RLF: variants seen among roughly 807,000 people sequenced by gnomAD.
The protein encoded by RLF is RLF zinc finger.
In RLF, 7 loss-of-function variants were observed where a neutral mutation model predicts 162.9. The observed-to-expected ratio is 0.04, with a 90% CI of 0.02 to 0.08. The LOEUF is 0.08. Among genes scored for constraint, RLF ranks in the 10% least tolerant of loss-of-function variants. The pLI is 1.00. For missense variants in RLF, 1,664 were observed against 2,244.7 expected (o/e 0.74, Z 5.23); for synonymous variants, 782 against 791.5 (o/e 0.99, Z 0.20).
intron 6 of RLF, among the ~76,000 whole-genome samples, 193 bp from the exon 7 acceptor site, chr1:40,231,324 G>A (rs1248492614): frequency 6.6e-6 from 1 of 152,214 alleles, no homozygotes; most frequent in Admixed American, 6.5e-5. Flanking sequence ...AGAGAAGTCA[G>A]GGAATTGTTA....
rs371213463 is a variant in RLF at position 40,195,613 on chromosome 1, T to C, written c.475-19T>C. 3.1e-6 allele frequency: 5 copies of C among 1,591,776 alleles called. No homozygotes were observed. The African/African-American group carries it at 5.4e-5, about 17-fold the overall frequency. ...TTATATTGTTAACTTATTTTCTGGG[T>C]GTGCTGTTCTTGTTCTAGGAGTCAC... On this transcript the variant is annotated intron_variant, in intron 3 of 7. Transcript: ENST00000372771.
At position 40,238,695 on chromosome 1, in the gene RLF, C is replaced by T. The variant is rs764628195; in HGVS notation, c.3993C>T (p.Tyr1331=). 6.8e-6 allele frequency: 11 copies of T among 1,613,816 alleles called. No homozygotes were observed. The South Asian group carries it at 1.2e-4, about 18-fold the overall frequency. The change falls in exon 8 of 8, where the codon TAC becomes TAT. Residue 1331 remains tyrosine (Y), a synonymous_variant. Transcript: ENST00000372771. This position sits in a 1 kb window ranked among gnomAD's most constrained non-coding sequence, Gnocchi z 5.2. ...FTNLKGLIRH[Y]RTVHQYNKEQ... Reference sequence around the variant, plus strand: ...ATCTAAAAGGCTTAATTCGCCATTACAGAACTGTACATCAGTACAACAAAG... The same window carrying T: ...ATCTAAAAGGCTTAATTCGCCATTATAGAACTGTACATCAGTACAACAAAG...
intron 7 of RLF, among the ~76,000 whole-genome samples, chr1:40,234,768 T>C (rs1172221585): frequency 6.6e-6 from 1 of 152,228 alleles, no homozygotes; most frequent in East Asian, 1.9e-4. Flanking sequence ...TGCTTTTCTT[T>C]GCTCATGTCA....
intron 4 of RLF, among the ~76,000 whole-genome samples, chr1:40,197,344 A>C (rs780835387): frequency 2.0e-5 from 3 of 152,240 alleles, no homozygotes; most frequent in South Asian, 2.1e-4. Context: ...GATGGAGGCT[A>C]AAGTATCACC....
intron 5 of RLF, among the ~76,000 whole-genome samples, chr1:40,214,295 C>A (rs902256766): frequency 2.0e-5 from 3 of 152,148 alleles, no homozygotes; most frequent in African/African-American, 4.8e-5. Context: ...GAGTTCTAAT[C>A]ACCATTTGAA....
rs1025698295 is a variant in RLF at position 40,222,574 on chromosome 1, A to G, written c.811A>G (p.Ile271Val). ...GACTTAGTCATCTCATTTTTGATAG[A>G]TTGCAAAGGTCGACTGCAAGGAAGT... Reference protein sequence around the residue: ...MLPNEDAIKEIAKVDCKEVLD... With the variant: ...MLPNEDAIKEVAKVDCKEVLD... Residue 271 changes from isoleucine (I) to valine (V), a missense_variant and splice_region_variant, in exon 6 of 8, where the codon ATT (isoleucine) becomes GTT (valine). Physicochemically the swap from Ile to Val is conservative, Grantham distance 29 (BLOSUM62 3). Around this residue, in one of 15 missense-constraint regions of RLF, gnomAD observed 287 missense variants for 404.9 expected, o/e 0.71. Transcript: ENST00000372771. 1 of 1,611,940 alleles carries G rather than the reference A, an allele frequency of 6.2e-7. No individual in the cohort carries two copies. The highest frequency in any genetic ancestry group is 1.3e-5 in the African/African-American group (1 of 74,864).
rs1643016172 is a variant in RLF at position 40,222,770 on chromosome 1, T to A, written c.947+60T>A. 2.8e-6 allele frequency: 4 copies of A among 1,446,136 alleles called. No homozygotes were observed. In the East Asian group the frequency reaches 9.2e-5, roughly 33 times the overall value. The allele number at this position is 1,446,136 out of a possible 1,614,324, so 89.6% of individuals were successfully genotyped here. Reference sequence around the variant, plus strand: ...AGTACATAGTATAGCATTTAGGGTTTATGTAAAATGTTAATTTGTTTCTAA... The same window carrying A: ...AGTACATAGTATAGCATTTAGGGTTAATGTAAAATGTTAATTTGTTTCTAA... On this transcript the variant is annotated intron_variant, in intron 6 of 7. Transcript: ENST00000372771.
intron 6 of RLF, among the ~76,000 whole-genome samples, chr1:40,226,249 T>G (rs1427336351): frequency 6.6e-6 from 1 of 152,190 alleles, no homozygotes; most frequent in East Asian, 1.9e-4. Context: ...AAAGAAGTAC[T>G]AGAGGAGTAA....
At chr1:40,207,812 C>G (rs376055112) in intron 5 of RLF, among the ~76,000 whole-genome samples, 43 of 152,178 alleles carry the variant, frequency 2.8e-4, no homozygotes, top group Non-Finnish European at 3.8e-4. Context: ...GGTTTTGCCA[C>G]GTTGCCCAGG....
Position 40,238,325 on chromosome 1 carries a change from A to G in RLF, c.3623A>G (p.Asp1208Gly). The change falls in exon 8 of 8, where the codon GAT becomes GGT. Residue 1208 changes from aspartate to glycine, a missense_variant. Transcript: ENST00000372771. This position sits in a 1 kb window ranked among gnomAD's most constrained non-coding sequence, Gnocchi z 5.2. The part of the protein sequence containing the change: ...GSDRATHKLL[D>G]NEKCDHEGPC... ...GACAGAGCAACTCACAAACTATTAGATAATGAAAAGTGTGATCATGAAGGC... is the reference window on the plus strand; with the variant it reads ...GACAGAGCAACTCACAAACTATTAGGTAATGAAAAGTGTGATCATGAAGGC... 6.2e-7 allele frequency: 1 copy of G among 1,614,164 alleles called. No individual in the cohort carries two copies. Among genetic ancestry groups the G allele is most frequent in the Non-Finnish European group, 8.5e-7 (1 of 1,180,006 alleles).
intron 1 of RLF, among the ~76,000 whole-genome samples, chr1:40,188,656 G>C (rs1642517635): frequency 6.6e-6 from 1 of 151,804 alleles, no homozygotes; most frequent in Non-Finnish European, 1.5e-5. Context: ...GTAGAACTGA[G>C]AGTCATATTC....
chr1:40,163,841 G>C (rs773873786), intron 1 of RLF, among the ~76,000 whole-genome samples: 11 of 152,094 alleles, frequency 7.2e-5, no homozygotes, highest in Admixed American at 4.6e-4. Context: ...TAGAAAATTT[G>C]TGTACAAGTC....
chr1:40,203,808 AATTCTG>A (rs1175690261), intron 5 of RLF, among the ~76,000 whole-genome samples: 1 of 152,068 alleles, frequency 6.6e-6, no homozygotes, highest in African/African-American at 2.4e-5. Flanking sequence ...ATGCTGTAGT[AATTCTG>A]AAACTTTTAC....
intron 3 of RLF, among the ~76,000 whole-genome samples, chr1:40,191,119 A>G (rs1044715912): frequency 5.3e-5 from 8 of 152,254 alleles, no homozygotes; most frequent in African/African-American, 1.9e-4. Flanking sequence ...TAAAGCTATC[A>G]AAATCATACA....
chr1:40,229,369 C>G (rs762395597), intron 6 of RLF, among the ~76,000 whole-genome samples: 11 of 150,740 alleles, frequency 7.3e-5, no homozygotes, highest in Non-Finnish European at 1.6e-4. Context: ...CAAATAAAGG[C>G]AAATATTTAA....
Position 40,161,443 on chromosome 1 carries a change from G to C in RLF, c.44G>C (p.Gly15Ala). ...GACGCCGCCGCTGTCGCCGGGGCTGGGGCTGAGGCTCCGGCGGTAGCGGGA... is the reference window on the plus strand; with the variant it reads ...GACGCCGCCGCTGTCGCCGGGGCTGCGGCTGAGGCTCCGGCGGTAGCGGGA... Reference protein sequence around the residue: ...KGDAAAVAGAGAEAPAVAGAG... With the variant: ...KGDAAAVAGAAAEAPAVAGAG... The change falls in exon 1 of 8, where the codon GGG becomes GCG. Residue 15 changes from glycine (G) to alanine (A), a missense_variant. This residue lies in a region of RLF where 134 missense variants were observed against 124.3 expected (regional missense o/e 1.08). Coordinates refer to ENST00000372771, the MANE Select transcript of RLF (RefSeq NM_012421.4). This position sits in a 1 kb window ranked among gnomAD's most constrained non-coding sequence, Gnocchi z 4.4. The C allele has an allele frequency of 1.3e-6, 2 of 1,576,386 alleles. No homozygotes were observed. Among genetic ancestry groups the C allele is most frequent in the African/African-American group, 1.4e-5 (1 of 72,368 alleles).
At chr1:40,182,778 TA>T (rs1642423353) in intron 1 of RLF, among the ~76,000 whole-genome samples, 1 of 151,936 alleles carries the variant, frequency 6.6e-6, no homozygotes, top group Non-Finnish European at 1.5e-5. Context: ...GATAGATAGA[TA>T]GATAGATAGA....
chr1:40,177,220 A>C (rs970901051), intron 1 of RLF, among the ~76,000 whole-genome samples: 12 of 151,906 alleles, frequency 7.9e-5, no homozygotes, highest in Non-Finnish European at 1.5e-4. Context: ...TTCCGACCTC[A>C]AGTGATCTGC....
chr1:40,183,741 TAA>T (rs879790689), intron 1 of RLF, among the ~76,000 whole-genome samples: 3 of 145,266 alleles, frequency 2.1e-5, no homozygotes, highest in Non-Finnish European at 3.0e-5. Context: ...TTTCCTCATT[TAA>T]AAAAAAAAAA....
Sources: allele counts gnomAD v4.1 joint callset (sites outside exome capture counted in the v4.1 genomes callset), GRCh38; gene constraint gnomAD v4.1.1; regional missense constraint gnomAD v4.1.1; non-coding constraint Gnocchi (gnomAD v3.1); transcripts MANE v1.5; gene names NCBI Gene and HGNC (gene_info 2026-07-23, HGNC 2026-07-21).